Variants in REEP3 observed in about 807,000 individuals in gnomAD.
REEP3 encodes receptor expression-enhancing protein 3.
A neutral mutation model predicts 41.3 loss-of-function variants in REEP3; 20 were observed. That is an observed-to-expected ratio of 0.48 (90% CI 0.34 to 0.70). The LOEUF is 0.70. Among genes scored for constraint, REEP3 ranks in the 30% least tolerant of loss-of-function variants. The pLI is 0.01. For missense variants in REEP3, 271 were observed against 308.8 expected, an observed-to-expected ratio of 0.88 and a Z score of 0.92; for synonymous variants, 104 against 101.8, an observed-to-expected ratio of 1.02 and a Z score of -0.13.
intron 6 of REEP3, among the ~76,000 whole-genome samples, chr10:63,619,044 C>T (rs985159122): frequency 5.9e-5 from 9 of 152,222 alleles, no homozygotes; most frequent in African/African-American, 2.2e-4. Flanking sequence ...CTAATTACTG[C>T]AGCCTACCTG....
At chr10:63,543,029 C>T (rs1003847226) in intron 1 of REEP3, among the ~76,000 whole-genome samples, 1 of 152,096 alleles carries the variant, frequency 6.6e-6, no homozygotes, top group Non-Finnish European at 1.5e-5. Flanking sequence ...AGTGCTCCTC[C>T]CCAGCCATTC....
chr10:63,619,209 G>C (rs143947731), intron 6 of REEP3, among the ~76,000 whole-genome samples: 5 of 152,206 alleles, frequency 3.3e-5, no homozygotes, highest in Admixed American at 1.3e-4. Flanking sequence ...CAAAAGATAC[G>C]ACACATAGAA....
chr10:63,604,137 C>T lies in REEP3; in HGVS notation c.417+4854C>T, dbSNP rs139911616. On this transcript the variant is annotated intron_variant, in intron 5 of 7. Coordinates refer to ENST00000373758, the MANE Select transcript of REEP3 (RefSeq NM_001001330.3). ...GGTTTCCCAGGTTGAACCACCTGAG[C>T]ATGTTAAAGGTGAAAATAGGAATCT... Among the ~76,000 whole-genome samples, 237 of 152,270 alleles carry T rather than the reference C, an allele frequency of 1.6e-3. 2 individuals are homozygous for T. The South Asian group carries it at 0.027, about 17-fold the overall frequency.
intron 1 of REEP3, chr10:63,562,470 TG>T: frequency 2.3e-6 from 1 of 437,398 alleles, no homozygotes; most frequent in Non-Finnish European, 4.6e-6. Context: ...TTGGCCAAGC[TG>T]GTCTCGAACT....
At chr10:63,534,835 T>C (rs1955459340) in intron 1 of REEP3, among the ~76,000 whole-genome samples, 1 of 152,214 alleles carries the variant, frequency 6.6e-6, no homozygotes, top group Non-Finnish European at 1.5e-5. Context: ...TGAAATGACC[T>C]ATAACCCTAC....
intron 1 of REEP3, among the ~76,000 whole-genome samples, chr10:63,557,185 A>T (rs182341876): frequency 6.6e-6 from 1 of 152,302 alleles, no homozygotes; most frequent in African/African-American, 2.4e-5. Flanking sequence ...AGTACTGCCT[A>T]CAATAGCCTA....
At chr10:63,598,189 C>G in intron 4 of REEP3, 45 bp downstream of exon 4, 1 of 1,419,042 alleles carries the variant, frequency 7.0e-7, no homozygotes, top group South Asian at 1.2e-5. Context: ...TTAGAAATGC[C>G]TAAGCGGAGG....
At chr10:63,611,199 A>G (rs189419182) in intron 6 of REEP3, among the ~76,000 whole-genome samples, 125 of 152,330 alleles carry the variant, frequency 8.2e-4, no homozygotes, top group Middle Eastern at 3.4e-3. Flanking sequence ...TCTCACCACC[A>G]GCACTAGTTC....
intron 2 of REEP3, among the ~76,000 whole-genome samples, chr10:63,581,929 T>G (rs1955957999): frequency 6.6e-6 from 1 of 152,044 alleles, no homozygotes; most frequent in Admixed American, 6.6e-5. Flanking sequence ...CAAACAGTAT[T>G]ATGAAACTAA....
At chr10:63,606,532 T>G (rs1194149557) in intron 5 of REEP3, among the ~76,000 whole-genome samples, 1 of 152,142 alleles carries the variant, frequency 6.6e-6, no homozygotes, top group African/African-American at 2.4e-5. Context: ...ATTGCAGGCG[T>G]GAGCCACTGC....
At chr10:63,613,078 C>T (rs1238565443) in intron 6 of REEP3, among the ~76,000 whole-genome samples, 1 of 151,902 alleles carries the variant, frequency 6.6e-6, no homozygotes. Flanking sequence ...GTGGCACGAT[C>T]TCGGCTCACT....
chr10:63,555,618 T>C (rs773372431), intron 1 of REEP3, among the ~76,000 whole-genome samples: 24 of 152,244 alleles, frequency 1.6e-4, no homozygotes, highest in Non-Finnish European at 3.1e-4. Flanking sequence ...CATTTATTTT[T>C]GCATCTAAGT....
chr10:63,532,823 T>G (rs1244324518), intron 1 of REEP3, among the ~76,000 whole-genome samples: 2 of 152,018 alleles, frequency 1.3e-5, no homozygotes, highest in Non-Finnish European at 2.9e-5. Context: ...AAGGATCCCT[T>G]GAGCCCAGGA....
In REEP3 at chr10:63,622,705, C is replaced by CTTTTTTTTTTTTTTTTTTTTTT. The variant is rs67568146; in HGVS notation, c.*1856_*1857insTTTTTTTTTTTTTTTTTTTTTT. The CTTTTTTTTTTTTTTTTTTTTTT allele has an allele frequency of 1.7e-5, 2 of 116,600 alleles. No homozygotes were observed. Among genetic ancestry groups the CTTTTTTTTTTTTTTTTTTTTTT allele is most frequent in the African/African-American group, 7.1e-5 (2 of 28,056 alleles). 7.2% of individuals were successfully genotyped at this position (116,600 alleles called of 1,614,324 possible). A position where few individuals can be genotyped will look rare whatever the true frequency, so the allele number is the denominator to read the frequency against. On this transcript the variant is annotated 3_prime_UTR_variant, in exon 8 of 8. Coordinates refer to ENST00000373758, the MANE Select transcript of REEP3 (RefSeq NM_001001330.3). Reference sequence around the variant, plus strand: ...TGGGAGCTGATTTGCACCATTTTACCTTTTTTTTTTTTTTTTTTTTGAGAC... The same window carrying CTTTTTTTTTTTTTTTTTTTTTT: ...TGGGAGCTGATTTGCACCATTTTACCTTTTTTTTTTTTTTTTTTTTTTTTTTTTTTTTTTTTTTTTTTGAGAC...
intron 1 of REEP3, among the ~76,000 whole-genome samples, chr10:63,522,819 C>T (rs1955299294): frequency 6.6e-6 from 1 of 152,054 alleles, no homozygotes. Flanking sequence ...TCCTGTGTTC[C>T]CCTGTACGAA....
intron 1 of REEP3, among the ~76,000 whole-genome samples, chr10:63,554,430 G>A (rs1426492351): frequency 1.3e-5 from 2 of 152,020 alleles, no homozygotes; most frequent in Non-Finnish European, 2.9e-5. Context: ...AGAGAACTTC[G>A]GAATATTGAC....
intron 1 of REEP3, among the ~76,000 whole-genome samples, chr10:63,527,948 TTTTTG>T (rs1485098620): frequency 1.3e-4 from 1 of 7,414 alleles, no homozygotes; most frequent in Non-Finnish European, 4.9e-4. Context: ...ACCTTGCTTT[TTTTTG>T]TTTTTTTTTT....
intron 5 of REEP3, among the ~76,000 whole-genome samples, chr10:63,608,380 G>A (rs1440316192): frequency 6.6e-6 from 1 of 152,144 alleles, no homozygotes; most frequent in Non-Finnish European, 1.5e-5. Flanking sequence ...ATGGCATTTG[G>A]TTTTGACATA....
intron 6 of REEP3, among the ~76,000 whole-genome samples, chr10:63,617,817 T>C (rs1221438020): frequency 7.6e-6 from 1 of 132,012 alleles, no homozygotes; most frequent in African/African-American, 3.1e-5. Context: ...CTACTCTTTT[T>C]TTTTTTTTTT....
Sources: gnomAD v4.1 joint callset for allele counts (sites outside exome capture counted in the v4.1 genomes callset) on GRCh38, gnomAD v4.1.1 for gene constraint, MANE v1.5 for transcripts, NCBI Gene and HGNC (gene_info 2026-07-23, HGNC 2026-07-21) for gene names.